The following EFS variants were observed in gnomAD, a reference collection of about 807,000 sequenced individuals.
EFS encodes Cas scaffolding protein family member 3.
EFS carries 34 observed loss-of-function variants against 42.2 expected under a neutral mutation model. The ratio of observed to expected loss-of-function variants is 0.81; its 90% CI spans 0.61 to 1.07. The LOEUF (loss-of-function observed/expected upper bound fraction) is 1.07. EFS is among the 50% of genes least tolerant of loss of function. EFS has a pLI of 0.00. For missense variants in EFS, 717 were observed against 729.4 expected (o/e 0.98, Z 0.20); for synonymous variants, 299 against 320.7 (o/e 0.93, Z 0.72).
At chr14:23,361,032 T>C (rs1261607928) in intron 1 of EFS, among the ~76,000 whole-genome samples, 199 bp from the exon 2 acceptor site, 1 of 152,218 alleles carries the variant, frequency 6.6e-6, no homozygotes, top group Non-Finnish European at 1.5e-5. Context: ...TTCCTTCAAC[T>C]AGACCAGCTC....
chr14:23,359,611 TG>T lies in EFS; in HGVS notation c.866del (p.Pro289HisfsTer98), dbSNP rs1274556742. On this transcript the variant is annotated frameshift_variant, in exon 4 of 6. Coordinates refer to ENST00000216733, the MANE Select transcript of EFS (RefSeq NM_005864.4). LOFTEE classifies it high-confidence loss of function. ...TLAQLLARSP[P>X]PPHRPRLPSA... The stretch of plus-strand genomic sequence containing the variant: ...AGGGGAGCCGGGGCCTGTGTGGGGG[TG>T]GGGGGCTTCTGGCCAGAAGCTGGGC... 3 of 705,682 alleles carry T rather than the reference TG, an allele frequency of 4.3e-6. No individual in the cohort carries two copies. The highest frequency in any genetic ancestry group is 6.1e-5 in the South Asian group (2 of 32,748). The allele number at this position is 705,682 out of a possible 1,614,324, so 43.7% of individuals were successfully genotyped here.
chr14:23,363,121 G>A (rs181719852), intron 1 of EFS, among the ~76,000 whole-genome samples: 124 of 151,890 alleles, frequency 8.2e-4, no homozygotes, highest in African/African-American at 2.9e-3. Context: ...CACTGTGTTA[G>A]CCAGGATGGT....
intron 5 of EFS, 72 bp from the exon 6 acceptor site, chr14:23,357,732 T>G: frequency 2.3e-6 from 3 of 1,294,530 alleles, no homozygotes; most frequent in Non-Finnish European, 3.1e-6. Flanking sequence ...TCTTTTCTCC[T>G]TCCTCTCTTT....
chr14:23,362,692 C>A (rs1296681655), intron 1 of EFS, among the ~76,000 whole-genome samples: 1 of 152,192 alleles, frequency 6.6e-6, no homozygotes, highest in Non-Finnish European at 1.5e-5. Context: ...AAGCACAGTT[C>A]TAGAGGCAGA....
chr14:23,357,770 T>C lies in EFS; in HGVS notation c.1252-110A>G, dbSNP rs577344190. On this transcript the variant is annotated intron_variant, in intron 5 of 5. Coordinates refer to ENST00000216733, the MANE Select transcript of EFS (RefSeq NM_005864.4). ...TCCCAAGGGCGATCCTTTTAGCTCTTACCTCTGCCCATCGGAAAGTTTAGA... is the reference window on the plus strand; with the variant it reads ...TCCCAAGGGCGATCCTTTTAGCTCTCACCTCTGCCCATCGGAAAGTTTAGA... 6.4e-5 allele frequency: 58 copies of C among 912,686 alleles called. No individual in the cohort carries two copies. The South Asian group carries it at 1.2e-3, about 18-fold the overall frequency. The allele number at this position is 912,686 out of a possible 1,614,324, so 56.5% of individuals were successfully genotyped here.
chr14:23,357,484 C>T lies in EFS; in HGVS notation c.1428G>A (p.Arg476=), dbSNP rs1185549314. ...CCAGGCGATGAGCAGCCACCACCAC[C>T]CTCTTGCTGTGGGGCACGAAAAGGC... ...PPRLFVPHSK[R]VVVAAHRLVF... The change falls in exon 6 of 6, where the codon AGG becomes AGA. Residue 476 remains arginine (R), a synonymous_variant. Transcript: ENST00000216733. The T allele has an allele frequency of 2.5e-6, 4 of 1,613,932 alleles. No homozygotes were observed. The highest frequency in any genetic ancestry group is 3.4e-6 in the Non-Finnish European group (4 of 1,180,024).
chr14:23,360,754 C>G lies in EFS; in HGVS notation c.98G>C (p.Arg33Pro). The G allele has an allele frequency of 3.7e-6, 6 of 1,613,960 alleles. No individual in the cohort carries two copies. Among genetic ancestry groups the G allele is most frequent in the African/African-American group, 1.3e-5 (1 of 74,996 alleles). The change falls in exon 2 of 6, where the codon CGG becomes CCG. Residue 33 changes from arginine (R) to proline (P), a missense_variant. Coordinates refer to ENST00000216733, the MANE Select transcript of EFS (RefSeq NM_005864.4). ...ELSFRRGDVL[R>P]VLQREGAGGL... ...ACCAGCGCCCTCTCTCTGCAGGACC[C>G]GTAGGACATCCCCTCGGCGGAAGGA... is the stretch of plus-strand genomic sequence containing the variant.
chr14:23,360,453 C>A, intron 2 of EFS, 102 bp downstream of exon 2: 2 of 1,491,178 alleles, frequency 1.3e-6, no homozygotes, highest in Non-Finnish European at 1.8e-6. Context: ...AGAGCTGTGG[C>A]CTCAGGGCTC....
chr14:23,359,066 G>T, intron 4 of EFS, 101 bp from the exon 5 acceptor site: 1 of 1,221,026 alleles, frequency 8.2e-7, no homozygotes, highest in Non-Finnish European at 1.1e-6. Context: ...CCTTCCGAAG[G>T]ACACTCCTGT....
At position 23,360,552 on chromosome 14, in the gene EFS, C is replaced by T; in HGVS notation, c.297+3G>A. The T allele has an allele frequency of 2.0e-6, 3 of 1,531,526 alleles. No individual in the cohort carries two copies. The highest frequency in any genetic ancestry group is 2.6e-6 in the Non-Finnish European group (3 of 1,139,088). 94.9% of individuals were successfully genotyped at this position (1,531,526 alleles called of 1,614,324 possible). A position where few individuals can be genotyped will look rare whatever the true frequency, so the allele number is the denominator to read the frequency against. ...TTGGGGTTGGGGAGGCTCCCACTCT[C>T]ACCTCCTGGTCCTCATTGCTGTGAT... is the stretch of plus-strand genomic sequence containing the variant. On this transcript the variant is annotated splice_donor_region_variant and intron_variant, in intron 2 of 5. Coordinates refer to ENST00000216733, the MANE Select transcript of EFS (RefSeq NM_005864.4).
rs1204525340 is a variant in EFS, at chr14:23,357,652, C to T, written c.1260G>A (p.Leu420=). Residue 420 remains leucine (L), a synonymous_variant, in exon 6 of 6, where the codon CTG becomes CTA. Coordinates refer to ENST00000216733, the MANE Select transcript of EFS (RefSeq NM_005864.4). ...ACACAACCAGTGGCTCCCCTGGGGA[C>T]AGGGCCTCCTGAAGGGCAAGAGGAG... ...ERGMPAPQEA[L]SPGEPLVVST... is the part of the protein sequence containing the mutation. 5.2e-6 allele frequency: 8 copies of T among 1,528,268 alleles called. No individual in the cohort carries two copies. The highest frequency in any genetic ancestry group is 1.8e-4 in the Middle Eastern group (1 of 5,588). The allele number at this position is 1,528,268 out of a possible 1,614,324, so 94.7% of individuals were successfully genotyped here.
chr14:23,357,228 A>G lies in EFS; in HGVS notation c.1684T>C (p.Ter562ArgextTer27), dbSNP rs926957872. The stretch of plus-strand genomic sequence containing the variant: ...AGCAGAGCTGTGCCAAAGGACCTTC[A>G]TGGAGCCAGGCTAGTGAGCAGGGTA... Reference protein sequence around the residue: ...FTTLLTSLAP* With the variant: ...FTTLLTSLAPR The change falls in exon 6 of 6, where the codon TGA (stop) becomes CGA (arginine). Residue 562 changes from the stop codon to arginine, a stop_lost. Transcript: ENST00000216733. 3.2e-6 allele frequency: 5 copies of G among 1,538,560 alleles called. No homozygotes were observed. The highest frequency in any genetic ancestry group is 2.3e-5 in the East Asian group (1 of 43,612).
Position 23,360,694 on chromosome 14 carries a change from C to T in EFS, c.158G>A (p.Gly53Asp). ...LDGWCLCSLH[G>D]QQGIVPANRV... Reference sequence around the variant, plus strand: ...GTTGGCGGGCACAATGCCCTGCTGGCCGTGTAGGGAGCAGAGGCACCAGCC... The same window carrying T: ...GTTGGCGGGCACAATGCCCTGCTGGTCGTGTAGGGAGCAGAGGCACCAGCC... Residue 53 changes from glycine to aspartate, a missense_variant, in exon 2 of 6, where the codon GGC (glycine) becomes GAC (aspartate). Transcript: ENST00000216733. 6.2e-7 allele frequency: 1 copy of T among 1,613,984 alleles called. No homozygotes were observed. The highest frequency in any genetic ancestry group is 8.5e-7 in the Non-Finnish European group (1 of 1,180,002).
At chr14:23,362,728 T>C (rs1488110616) in intron 1 of EFS, among the ~76,000 whole-genome samples, 1 of 152,176 alleles carries the variant, frequency 6.6e-6, no homozygotes, top group African/African-American at 2.4e-5. Flanking sequence ...TGGCTGTGTC[T>C]CTTTCTTTTA....
chr14:23,357,636 G>C lies in EFS; in HGVS notation c.1276C>G (p.Leu426Val). 11 of 1,546,708 alleles carry C rather than the reference G, an allele frequency of 7.1e-6. No homozygotes were observed. Among genetic ancestry groups the C allele is most frequent in the African/African-American group, 1.4e-5 (1 of 73,030 alleles). The change falls in exon 6 of 6, where the codon CTG becomes GTG. Residue 426 changes from leucine (L) to valine (V), a missense_variant. Coordinates refer to ENST00000216733, the MANE Select transcript of EFS (RefSeq NM_005864.4). Reference sequence around the variant, plus strand: ...TGCAGATCTCCGGTGGACACAACCAGTGGCTCCCCTGGGGACAGGGCCTCC... The same window carrying C: ...TGCAGATCTCCGGTGGACACAACCACTGGCTCCCCTGGGGACAGGGCCTCC... ...PQEALSPGEPLVVSTGDLQLL... is the reference protein window; with the variant it reads ...PQEALSPGEPVVVSTGDLQLL...
intron 2 of EFS, 125 bp from the exon 3 acceptor site, chr14:23,360,406 G>A: frequency 6.7e-7 from 1 of 1,496,676 alleles, no homozygotes; most frequent in Non-Finnish European, 8.9e-7. Flanking sequence ...AGCTCAGAAA[G>A]GTTGGTAGAC....
intron 4 of EFS, 149 bp from the exon 5 acceptor site, chr14:23,359,114 G>A: frequency 9.0e-7 from 1 of 1,108,038 alleles, no homozygotes; most frequent in Non-Finnish European, 1.3e-6. Flanking sequence ...AGAGAGCTCT[G>A]GTGGCCCCAG....
At position 23,357,443 on chromosome 14, in the gene EFS, G is replaced by A. The variant is rs762424134; in HGVS notation, c.1469C>T (p.Thr490Ile). The A allele has an allele frequency of 5.0e-6, 8 of 1,613,642 alleles. No homozygotes were observed. In the Admixed American group the frequency reaches 8.3e-5, roughly 17 times the overall value. ...AAHRLVFVGD[T>I]LGRLAASAPL... ...GGCAGAGGCTGCCAGCCGGCCCAGGGTGTCCCCAACAAACACCAGGCGATG... is the reference window on the plus strand; with the variant it reads ...GGCAGAGGCTGCCAGCCGGCCCAGGATGTCCCCAACAAACACCAGGCGATG... The change falls in exon 6 of 6, where the codon ACC becomes ATC. Residue 490 changes from threonine to isoleucine, a missense_variant. Thr to Ile is a moderately conservative substitution (Grantham distance 89, BLOSUM62 -1). Transcript: ENST00000216733.
chr14:23,360,458 G>C, intron 2 of EFS, 97 bp downstream of exon 2: 1 of 1,496,302 alleles, frequency 6.7e-7, no homozygotes, highest in Non-Finnish European at 8.9e-7. Flanking sequence ...TGTGGCCTCA[G>C]GGCTCTTCCT....
Sources: allele counts gnomAD v4.1 joint callset (sites outside exome capture counted in the v4.1 genomes callset), GRCh38; gene constraint gnomAD v4.1.1; transcripts MANE v1.5; gene names NCBI Gene and HGNC (gene_info 2026-07-23, HGNC 2026-07-21).